Variants in RTTN observed in about 807,000 individuals in gnomAD.
RTTN encodes the protein rotatin.
RTTN carries 182 observed loss-of-function variants against 269.2 expected under a neutral mutation model. That is an observed-to-expected ratio of 0.68 (90% CI 0.60 to 0.76). The LOEUF is 0.76. Among genes scored for constraint, RTTN ranks in the 30% least tolerant of loss-of-function variants. The pLI, the probability that RTTN is intolerant of heterozygous loss-of-function variation, is 0.00. For synonymous variants in RTTN, 1,006 were observed against 963.5 expected (o/e 1.04, Z -0.82); for missense variants, 2,545 against 2,608.6 (o/e 0.98, Z 0.53).
chr18:70,061,214 C>A (rs1013536053), intron 35 of RTTN: 17 of 371,462 alleles, frequency 4.6e-5, no homozygotes, highest in African/African-American at 1.3e-4. Context: ...TATGAGAGCT[C>A]CCTTTTCTCC....
intron 11 of RTTN, among the ~76,000 whole-genome samples, chr18:70,175,976 A>T (rs2061282250): frequency 6.6e-6 from 1 of 152,120 alleles, no homozygotes; most frequent in Non-Finnish European, 1.5e-5. Flanking sequence ...ATTAATGATA[A>T]GAACCAAGAC....
chr18:70,204,359 GT>G, intron 2 of RTTN, 96 bp from the exon 3 acceptor site: 1 of 1,233,500 alleles, frequency 8.1e-7, no homozygotes, highest in Non-Finnish European at 1.1e-6. Flanking sequence ...TATATCAGAT[GT>G]TCCTTTTCTG....
chr18:70,067,632 A>G (rs149666326), intron 34 of RTTN, among the ~76,000 whole-genome samples: 117 of 152,364 alleles, frequency 7.7e-4, no homozygotes, highest in African/African-American at 2.4e-3. Flanking sequence ...GGCTCCTGCC[A>G]CAACTCTTTT....
intron 28 of RTTN, among the ~76,000 whole-genome samples, chr18:70,093,906 T>A (rs1277756300): frequency 6.6e-6 from 1 of 152,226 alleles, no homozygotes; most frequent in Non-Finnish European, 1.5e-5. Context: ...TCTAGTAGAA[T>A]TCGGCTATGA....
At chr18:70,072,638 C>T (rs1280352340) in intron 34 of RTTN, among the ~76,000 whole-genome samples, 1 of 151,938 alleles carries the variant, frequency 6.6e-6, no homozygotes, top group Non-Finnish European at 1.5e-5. Context: ...TTAATTAGAG[C>T]AATTATTATT....
intron 24 of RTTN, 119 bp from the exon 25 acceptor site, chr18:70,127,860 G>T: frequency 2.1e-6 from 2 of 937,566 alleles, no homozygotes; most frequent in Non-Finnish European, 3.1e-6. Context: ...TTTAACAAAA[G>T]GTTGACTTAC....
chr18:70,025,461 C>G (rs377497300), intron 43 of RTTN, among the ~76,000 whole-genome samples: 2 of 152,064 alleles, frequency 1.3e-5, no homozygotes, highest in South Asian at 4.1e-4. Flanking sequence ...TTTAAATGAA[C>G]AAGAATTCCG....
chr18:70,176,654 G>T, intron 11 of RTTN, 21 bp downstream of exon 11: 1 of 1,604,490 alleles, frequency 6.2e-7, no homozygotes, highest in South Asian at 1.1e-5. Flanking sequence ...AAGTACAAAT[G>T]AGCAGCATTG....
chr18:70,084,240 A>G (rs1329118448), intron 32 of RTTN, among the ~76,000 whole-genome samples: 1 of 152,172 alleles, frequency 6.6e-6, no homozygotes, highest in East Asian at 1.9e-4. Context: ...TAAAAAAAAA[A>G]AATCAAATAT....
chr18:70,062,949 T>A (rs536121192), intron 35 of RTTN, among the ~76,000 whole-genome samples: 8 of 152,252 alleles, frequency 5.3e-5, no homozygotes, highest in Admixed American at 5.2e-4. Flanking sequence ...TATAAGTAAT[T>A]TTGTTATATG....
intron 32 of RTTN, among the ~76,000 whole-genome samples, chr18:70,081,343 C>T (rs1417622702): frequency 6.6e-6 from 1 of 151,940 alleles, no homozygotes; most frequent in African/African-American, 2.4e-5. Flanking sequence ...TAAAACAAAA[C>T]AAAACAAAAA....
intron 14 of RTTN, 57 bp from the exon 15 acceptor site, chr18:70,150,790 A>G: frequency 7.3e-7 from 1 of 1,378,302 alleles, no homozygotes; most frequent in Non-Finnish European, 1.0e-6. Context: ...TTTCCAAAAG[A>G]TCCATCTTTC....
rs140889407 is a variant in RTTN at position 70,020,720 on chromosome 18, C to A, written c.6048G>T (p.Lys2016Asn). 2 of 1,613,982 alleles carry A rather than the reference C, an allele frequency of 1.2e-6. No individual in the cohort carries two copies. The highest frequency in any genetic ancestry group is 2.2e-5 in the East Asian group (1 of 44,892). ...TCTCCAGTGGCATCTGGGAAGCCAA[C>A]TTTAGGATACACAGCATCAGAGAGT... is the stretch of plus-strand genomic sequence containing the variant. ...VSNSLMLCIL[K>N]LASQMPLENT... is the part of the protein sequence containing the mutation. Residue 2016 changes from lysine (K) to asparagine (N), a missense_variant, in exon 45 of 49, where the codon AAG becomes AAT. Coordinates refer to ENST00000640769, the MANE Select transcript of RTTN (RefSeq NM_173630.4).
chr18:70,099,529 T>C (rs1291274252), intron 28 of RTTN, among the ~76,000 whole-genome samples: 3 of 152,212 alleles, frequency 2.0e-5, no homozygotes, highest in Admixed American at 6.5e-5. Flanking sequence ...ATTCTGTAGG[T>C]TGCCTGTTCA....
At chr18:70,173,517 T>C (rs1012354191) in intron 11 of RTTN, among the ~76,000 whole-genome samples, 7 of 128,186 alleles carry the variant, frequency 5.5e-5, no homozygotes, top group Admixed American at 4.7e-4. Context: ...AAAAAGAAAA[T>C]AGAGTTTGGA....
At position 70,197,932 on chromosome 18, in the gene RTTN, A is replaced by AT. The variant is rs541772689; in HGVS notation, c.579-195dup. 3.3e-5 allele frequency among the ~76,000 whole-genome samples: 5 copies of AT among 152,250 alleles called. 1 individual carries two copies. The South Asian group carries it at 1.0e-3, about 32-fold the overall frequency. ...GCAGTGCTCCTTCCGTTTGTCCATT[A>AT]TTTGTGATATTGTTAACTGCCTGTT... On this transcript the variant is annotated intron_variant, in intron 5 of 48. Coordinates refer to ENST00000640769, the MANE Select transcript of RTTN (RefSeq NM_173630.4).
At chr18:70,176,200 G>GTATATGTAT (rs1555773833) in intron 11 of RTTN, among the ~76,000 whole-genome samples, 27 of 137,676 alleles carry the variant, frequency 2.0e-4, no homozygotes, top group African/African-American at 6.3e-4. Flanking sequence ...TGTAGATGTA[G>GTATATGTAT]ATGTATATGT....
chr18:70,096,198 T>C (rs1226991418), intron 28 of RTTN, among the ~76,000 whole-genome samples: 4 of 152,208 alleles, frequency 2.6e-5, no homozygotes, highest in Non-Finnish European at 5.9e-5. Context: ...GCAATTCCTC[T>C]ACCCTTTATC....
chr18:70,118,266 A>G (rs550911924), intron 26 of RTTN, among the ~76,000 whole-genome samples: 1 of 152,206 alleles, frequency 6.6e-6, no homozygotes, highest in East Asian at 1.9e-4. Flanking sequence ...AAAAGGGAAG[A>G]CATTACAACA....
Sources: allele counts gnomAD v4.1 joint callset (sites outside exome capture counted in the v4.1 genomes callset), GRCh38; gene constraint gnomAD v4.1.1; transcripts MANE v1.5; gene names NCBI Gene and HGNC (gene_info 2026-07-23, HGNC 2026-07-21).